Variants in CKAP5 observed in about 807,000 individuals in gnomAD.
CKAP5 encodes cytoskeleton-associated protein 5.
Under a neutral mutation model 232.8 loss-of-function variants are expected in CKAP5, and 27 were observed. That is an observed-to-expected ratio of 0.12 (90% CI 0.09 to 0.16). CKAP5 has a LOEUF of 0.16. Among genes scored for constraint, CKAP5 ranks in the 10% least tolerant of loss-of-function variants. CKAP5 has a pLI of 1.00. For missense variants in CKAP5, 1,838 were observed against 2,424.7 expected (o/e 0.76, Z 5.08); for synonymous variants, 785 against 841.1 (o/e 0.93, Z 1.16).
Position 46,776,347 on chromosome 11 carries a change from C to T in CKAP5, c.2899G>A (p.Ala967Thr). The stretch of plus-strand genomic sequence containing the variant: ...TTCATGCCAGTCTGTTCTGCCCAAG[C>T]ATTCACAGTCGCTAGGGCAGCAGCT... ...VRAAALATVN[A>T]WAEQTGMKEW... Residue 967 changes from alanine (A) to threonine (T), a missense_variant, in exon 24 of 44, where the codon GCT (alanine) becomes ACT (threonine). Ala to Thr is a moderately conservative substitution (Grantham distance 58). Around this residue, in one of 6 missense-constraint regions of CKAP5, gnomAD observed 767 missense variants for 954.6 expected, o/e 0.80. Transcript: ENST00000529230. 1 of 1,613,436 alleles carries T rather than the reference C, an allele frequency of 6.2e-7. No homozygotes were observed. Among genetic ancestry groups the T allele is most frequent in the Non-Finnish European group, 8.5e-7 (1 of 1,179,638 alleles).
At chr11:46,832,910 T>C (rs745438293) in intron 1 of CKAP5, among the ~76,000 whole-genome samples, 7 of 152,070 alleles carry the variant, frequency 4.6e-5, no homozygotes, top group Non-Finnish European at 7.4e-5. Context: ...TAAGCCATGA[T>C]TGAGCCACTG....
At chr11:46,744,288 T>C in intron 43 of CKAP5, 23 bp from the exon 44 acceptor site, 1 of 1,613,746 alleles carries the variant, frequency 6.2e-7, no homozygotes, top group Non-Finnish European at 8.5e-7. Context: ...GGAGAGAGAT[T>C]GTCTAAGGTC....
intron 25 of CKAP5, chr11:46,770,346 CTTAATATT>C: frequency 2.2e-6 from 1 of 462,264 alleles, no homozygotes; most frequent in Non-Finnish European, 3.8e-6. Flanking sequence ...TTCTACACTG[CTTAATATT>C]TTATTTTTGC....
At chr11:46,811,715 G>T (rs1212274142) in intron 4 of CKAP5, among the ~76,000 whole-genome samples, 2 of 152,050 alleles carry the variant, frequency 1.3e-5, no homozygotes, top group East Asian at 3.9e-4. Context: ...GACTTCAGGT[G>T]ATCCACCCGC....
intron 7 of CKAP5, 70 bp downstream of exon 7, chr11:46,809,330 A>AT: frequency 1.9e-6 from 2 of 1,036,924 alleles, no homozygotes; most frequent in Non-Finnish European, 2.9e-6. Context: ...AGGGCTCAGC[A>AT]GAGTATTCTA....
intron 3 of CKAP5, among the ~76,000 whole-genome samples, chr11:46,817,704 T>C (rs1939436517): frequency 6.6e-6 from 1 of 152,038 alleles, no homozygotes; most frequent in African/African-American, 2.4e-5. Context: ...TTCCTTTCAA[T>C]GACACAGAGA....
At chr11:46,783,744 T>TCA (rs2065362142) in intron 17 of CKAP5, among the ~76,000 whole-genome samples, 1 of 151,988 alleles carries the variant, frequency 6.6e-6, no homozygotes, top group Non-Finnish European at 1.5e-5. Flanking sequence ...CTCACTCTGT[T>TCA]GCCCAGGCTG....
chr11:46,753,814 G>T (rs965167005), intron 36 of CKAP5, among the ~76,000 whole-genome samples: 1 of 151,630 alleles, frequency 6.6e-6, no homozygotes, highest in South Asian at 2.1e-4. Flanking sequence ...GGATGGTCTC[G>T]ATCTCCTGAC....
At chr11:46,755,589 A>G (rs2065104817) in intron 35 of CKAP5, among the ~76,000 whole-genome samples, 8 of 151,908 alleles carry the variant, frequency 5.3e-5, no homozygotes. Flanking sequence ...TACATTAGTC[A>G]CAGGTTCGAT....
intron 9 of CKAP5, among the ~76,000 whole-genome samples, chr11:46,800,543 G>C (rs1361771026): frequency 6.6e-6 from 1 of 152,150 alleles, no homozygotes; most frequent in Middle Eastern, 3.2e-3. Context: ...ACCGGATTTA[G>C]AGGCCAAAGG....
At chr11:46,807,920 T>C (rs1269696720) in intron 8 of CKAP5, 111 bp downstream of exon 8, 2 of 663,842 alleles carry the variant, frequency 3.0e-6, no homozygotes, top group Admixed American at 5.0e-5. Flanking sequence ...TCAAATACCA[T>C]CAGTAATGTT....
Position 46,797,952 on chromosome 11 carries a change from G to A in CKAP5, c.1191C>T (p.Ile397=), listed in dbSNP as rs746179101. ...CCATTACTGCTAAAACATCCTCACT[G>A]ATGTTCTGTAGTGTGGTCTTTAGAA... is the stretch of plus-strand genomic sequence containing the variant. ...AIFLTTTLQN[I]SEDVLAVMDN... is the part of the protein sequence containing the mutation. Residue 397 remains isoleucine (I), a synonymous_variant, in exon 11 of 44, where the codon ATC becomes ATT. Transcript: ENST00000529230. The A allele has an allele frequency of 6.2e-7, 1 of 1,613,846 alleles. No homozygotes were observed. The highest frequency in any genetic ancestry group is 1.7e-5 in the Admixed American group (1 of 59,954).
intron 24 of CKAP5, among the ~76,000 whole-genome samples, chr11:46,773,693 C>T (rs1057063396): frequency 6.6e-6 from 1 of 152,036 alleles, no homozygotes; most frequent in East Asian, 1.9e-4. Context: ...TAGGCCCGCA[C>T]CACCACACCC....
intron 20 of CKAP5, 53 bp downstream of exon 20, chr11:46,780,141 T>C (rs1409967091): frequency 6.2e-7 from 1 of 1,600,084 alleles, no homozygotes; most frequent in African/African-American, 1.3e-5. Flanking sequence ...CAGTTTAGTC[T>C]TAATGAGATT....
intron 1 of CKAP5, among the ~76,000 whole-genome samples, chr11:46,842,841 C>T (rs1592496404): frequency 6.6e-6 from 1 of 151,814 alleles, no homozygotes; most frequent in East Asian, 1.9e-4. Flanking sequence ...GTAGCGGGCG[C>T]CTGTAGTCCC....
At chr11:46,793,377 A>G (rs761016426) in intron 13 of CKAP5, among the ~76,000 whole-genome samples, 1 of 152,214 alleles carries the variant, frequency 6.6e-6, no homozygotes, top group Non-Finnish European at 1.5e-5. Flanking sequence ...TTGCATCTGC[A>G]GCAGATAACT....
At chr11:46,771,656 T>A (rs546414814) in intron 24 of CKAP5, among the ~76,000 whole-genome samples, 1 of 152,326 alleles carries the variant, frequency 6.6e-6, no homozygotes, top group Non-Finnish European at 1.5e-5. Flanking sequence ...TGTTTCTAGT[T>A]TTTGGCTATT....
At chr11:46,838,062 G>A (rs1939956160) in intron 1 of CKAP5, among the ~76,000 whole-genome samples, 2 of 152,142 alleles carry the variant, frequency 1.3e-5, no homozygotes, top group African/African-American at 4.8e-5. Context: ...CATAAATCAT[G>A]TTGATAGCAT....
chr11:46,798,930 T>C (rs1000516280), intron 9 of CKAP5, among the ~76,000 whole-genome samples: 3 of 152,218 alleles, frequency 2.0e-5, no homozygotes, highest in Non-Finnish European at 4.4e-5. Flanking sequence ...GAATAAAAAG[T>C]CATTTCCTTT....
Sources: gnomAD v4.1 joint callset for allele counts (sites outside exome capture counted in the v4.1 genomes callset) on GRCh38, gnomAD v4.1.1 for gene constraint, gnomAD v4.1.1 regional missense constraint, MANE v1.5 for transcripts, NCBI Gene and HGNC (gene_info 2026-07-23, HGNC 2026-07-21) for gene names.